The following ABCB4 variants were observed in gnomAD, a reference collection of about 807,000 sequenced individuals.
ABCB4 encodes ATP binding cassette subfamily B member 4, also known as phosphatidylcholine translocator ABCB4.
A neutral mutation model predicts 145.7 loss-of-function variants in ABCB4; 76 were observed. The ratio of observed to expected loss-of-function variants is 0.52; its 90% CI spans 0.43 to 0.63. ABCB4 has a LOEUF of 0.63. ABCB4 is among the 30% of genes least tolerant of loss of function. The probability of loss-of-function intolerance (pLI) is 0.00; values close to 1 mark genes in which losing one functional copy is unlikely to be tolerated. For synonymous variants in ABCB4, 517 were observed against 566.8 expected (o/e 0.91, Z 1.25); for missense variants, 1,234 against 1,553.1 (o/e 0.79, Z 3.45).
intron 4 of ABCB4, among the ~76,000 whole-genome samples, chr7:87,462,307 G>T (rs1812509479): frequency 6.6e-6 from 1 of 151,810 alleles, no homozygotes; most frequent in Non-Finnish European, 1.5e-5. Flanking sequence ...ACAGAAAATG[G>T]GTATAATTTT....
At chr7:87,421,926 TTGTAA>T (rs1444418590) in intron 18 of ABCB4, among the ~76,000 whole-genome samples, 190 bp downstream of exon 18, 1 of 152,190 alleles carries the variant, frequency 6.6e-6, no homozygotes, top group Non-Finnish European at 1.5e-5. Context: ...GAGGGCAAAC[TTGTAA>T]TGTAATATAA....
chr7:87,372,304 T>C, the ABCB4 span, among the ~76,000 whole-genome samples: 7 of 152,254 alleles, frequency 4.6e-5, no homozygotes, highest in Non-Finnish European at 1.0e-4. Context: ...ATTTTGGAAA[T>C]TGTCCAATCT....
At chr7:87,450,233 T>C in intron 7 of ABCB4, 141 bp from the exon 8 acceptor site, 1 of 1,175,600 alleles carries the variant, frequency 8.5e-7, no homozygotes, top group African/African-American at 1.5e-5. Flanking sequence ...GCCAGTGTTC[T>C]GGATCCAATG....
the ABCB4 span, among the ~76,000 whole-genome samples, chr7:87,370,116 T>C: frequency 2.0e-5 from 3 of 152,162 alleles, no homozygotes; most frequent in Admixed American, 1.3e-4. Context: ...TATTTCAGTA[T>C]ACATCTCTAA....
At chr7:87,375,881 A>C in the ABCB4 span, 12 of 1,613,442 alleles carry the variant, frequency 7.4e-6, no homozygotes, top group Non-Finnish European at 1.0e-5. Context: ...TGTTAGAAAA[A>C]ATTCAGAGTA....
At chr7:87,367,675 G>A in the ABCB4 span, among the ~76,000 whole-genome samples, 7 of 152,058 alleles carry the variant, frequency 4.6e-5, no homozygotes, top group Admixed American at 3.3e-4. Context: ...GCTGAGTCCC[G>A]CTTCCTCTTG....
At chr7:87,419,898 G>A in intron 19 of ABCB4, 100 bp downstream of exon 19, 1 of 1,279,536 alleles carries the variant, frequency 7.8e-7, no homozygotes, top group South Asian at 1.2e-5. Context: ...AATACCCTGG[G>A]GGGAAAACAT....
chr7:87,427,838 T>C (rs1809945450), intron 15 of ABCB4, among the ~76,000 whole-genome samples: 1 of 152,178 alleles, frequency 6.6e-6, no homozygotes, highest in South Asian at 2.1e-4. Flanking sequence ...TGCAGTGATA[T>C]GTTCTGCTTG....
intron 12 of ABCB4, among the ~76,000 whole-genome samples, chr7:87,441,214 G>A (rs1810963905): frequency 6.6e-6 from 1 of 152,054 alleles, no homozygotes; most frequent in South Asian, 2.1e-4. Context: ...GATTTGCTGG[G>A]CATTTGTTGC....
chr7:87,404,916 G>A (rs1345563827), intron 26 of ABCB4, among the ~76,000 whole-genome samples: 1 of 152,198 alleles, frequency 6.6e-6, no homozygotes, highest in East Asian at 1.9e-4. Context: ...CACATTGCTG[G>A]TAGGAATGTA....
intron 22 of ABCB4, among the ~76,000 whole-genome samples, chr7:87,412,343 AGTT>A (rs1808680903): frequency 1.3e-5 from 2 of 152,228 alleles, no homozygotes; most frequent in East Asian, 1.9e-4. Context: ...TATTAAGCAT[AGTT>A]GTTGTTTCAA....
At chr7:87,463,919 C>T (rs1204414671) in intron 3 of ABCB4, among the ~76,000 whole-genome samples, 4 of 152,166 alleles carry the variant, frequency 2.6e-5, no homozygotes, top group Non-Finnish European at 5.9e-5. Context: ...TTGATTGACC[C>T]ATTTATGGCT....
rs772589209 is a variant in ABCB4, at chr7:87,443,823, G to A, written c.1120-50C>T. The A allele has an allele frequency of 9.1e-6, 13 of 1,436,036 alleles. 1 individual carries two copies. The highest frequency in any genetic ancestry group is 3.5e-4 in the Middle Eastern group (2 of 5,730). The allele number at this position is 1,436,036 out of a possible 1,614,324, so 89.0% of individuals were successfully genotyped here. On this transcript the variant is annotated intron_variant, in intron 10 of 27. Coordinates refer to ENST00000649586, the MANE Select transcript of ABCB4 (RefSeq NM_000443.4). ...TATTCCATCATAGCACAAACAAGTT[G>A]CATTTTTAAGGAATATGATTCAGCA... is the stretch of plus-strand genomic sequence containing the variant.
chr7:87,409,741 ACT>A (rs1808474650), intron 23 of ABCB4, among the ~76,000 whole-genome samples: 1 of 152,058 alleles, frequency 6.6e-6, no homozygotes, highest in South Asian at 2.1e-4. Flanking sequence ...TGCTGGTTAT[ACT>A]CTTTTTAGAG....
chr7:87,403,406 T>C, intron 26 of ABCB4, 125 bp from the exon 27 acceptor site: 1 of 897,632 alleles, frequency 1.1e-6, no homozygotes, highest in Non-Finnish European at 1.8e-6. Flanking sequence ...CTTAACAGAG[T>C]GTTTATTTTC....
chr7:87,459,782 G>C (rs1470919799), intron 4 of ABCB4, among the ~76,000 whole-genome samples: 1 of 152,146 alleles, frequency 6.6e-6, no homozygotes, highest in African/African-American at 2.4e-5. Context: ...GAAGGCTAAT[G>C]TGAGTCACCA....
chr7:87,456,980 T>C (rs1230051819), intron 4 of ABCB4, among the ~76,000 whole-genome samples: 2 of 152,066 alleles, frequency 1.3e-5, no homozygotes, highest in African/African-American at 2.4e-5. Context: ...ATAAACGATA[T>C]CTACATGGTC....
rs112981905 is a variant in ABCB4 at position 87,466,293 on chromosome 7, G to A, written c.136-3385C>T. ...CCAATTCGATCAAGTGGAAGAAAGG[G>A]TATCAGTGATTGAAGATCAAATGAA... On this transcript the variant is annotated intron_variant, in intron 3 of 27. Coordinates refer to ENST00000649586, the MANE Select transcript of ABCB4 (RefSeq NM_000443.4). Among the ~76,000 whole-genome samples, 21 of 152,034 alleles carry A rather than the reference G, an allele frequency of 1.4e-4. 1 individual carries two copies. In the East Asian group the frequency reaches 3.9e-3, roughly 28 times the overall value.
intron 26 of ABCB4, among the ~76,000 whole-genome samples, chr7:87,404,016 CA>C (rs1807997629): frequency 1.3e-5 from 2 of 152,112 alleles, no homozygotes; most frequent in Admixed American, 1.3e-4. Flanking sequence ...AGGGCTTATG[CA>C]GTGATGTATA....
Sources: gnomAD v4.1 joint callset for allele counts (sites outside exome capture counted in the v4.1 genomes callset) on GRCh38, gnomAD v4.1.1 for gene constraint, MANE v1.5 for transcripts, NCBI Gene and HGNC (gene_info 2026-07-23, HGNC 2026-07-21) for gene names.